NTRK3: variants seen among roughly 807,000 people sequenced by gnomAD.
The protein encoded by NTRK3 is neurotrophic receptor tyrosine kinase 3.
NTRK3 carries 24 observed loss-of-function variants against 91.7 expected under a neutral mutation model. The observed-to-expected ratio is 0.26, with a 90% CI of 0.19 to 0.37. The LOEUF (loss-of-function observed/expected upper bound fraction) is 0.37. NTRK3 is among the 10% of genes least tolerant of loss of function. The pLI is 1.00. For synonymous variants in NTRK3, 483 were observed against 404.0 expected, an observed-to-expected ratio of 1.20 and a Z score of -2.34; for missense variants, 880 against 1,068.9, an observed-to-expected ratio of 0.82 and a Z score of 2.46.
rs187386351 is a variant in NTRK3 at position 88,120,417 on chromosome 15, G to A, written c.1396+5854C>T. ...CAGTCCTGCAAGTGCTCATCCGCAGGCCCATCAGAGGCACCAGCACACATC... is the reference window on the plus strand; with the variant it reads ...CAGTCCTGCAAGTGCTCATCCGCAGACCCATCAGAGGCACCAGCACACATC... On this transcript the variant is annotated intron_variant, in intron 13 of 18. Coordinates refer to ENST00000394480, the Ensembl canonical transcript of NTRK3. Among the ~76,000 whole-genome samples, 19 of 152,306 alleles carry A rather than the reference G, an allele frequency of 1.2e-4. No individual in the cohort carries two copies. In the East Asian group the frequency reaches 3.5e-3, roughly 28 times the overall value.
chr15:87,954,308 C>T (rs756466524), intron 14 of NTRK3, among the ~76,000 whole-genome samples: 62 of 152,164 alleles, frequency 4.1e-4, no homozygotes, highest in Non-Finnish European at 7.3e-5. Context: ...AGCCCTTTCC[C>T]TCTATGTCTC....
chr15:88,210,221 G>A (rs1015639699), intron 3 of NTRK3: 1 of 152,162 alleles, frequency 6.6e-6, no homozygotes, highest in African/African-American at 2.4e-5. Context: ...TTCTTGAATA[G>A]GGAGGGCCTC....
chr15:87,894,246 G>C (rs1312080659), intron 17 of NTRK3, among the ~76,000 whole-genome samples: 3 of 152,212 alleles, frequency 2.0e-5, no homozygotes, highest in Non-Finnish European at 4.4e-5. Context: ...ATGGCTAGCA[G>C]TCACCTTGAA....
intron 17 of NTRK3, among the ~76,000 whole-genome samples, chr15:87,880,933 G>C (rs533241265): frequency 2.0e-5 from 3 of 152,356 alleles, no homozygotes; most frequent in South Asian, 4.1e-4. Flanking sequence ...AGTGTTTCAA[G>C]TGAAGGAGAC....
At chr15:87,958,219 A>G (rs1847430210) in intron 14 of NTRK3, among the ~76,000 whole-genome samples, 1 of 152,210 alleles carries the variant, frequency 6.6e-6, no homozygotes. Context: ...AGTGGCATAT[A>G]TAGGATGCTT....
intron 14 of NTRK3, among the ~76,000 whole-genome samples, chr15:87,973,935 T>C (rs745920740): frequency 1.3e-5 from 2 of 152,116 alleles, no homozygotes; most frequent in African/African-American, 4.8e-5. Context: ...CAGTAAACCC[T>C]GAAGGAACAA....
At chr15:87,970,259 G>A (rs1382931411) in intron 14 of NTRK3, among the ~76,000 whole-genome samples, 1 of 152,188 alleles carries the variant, frequency 6.6e-6, no homozygotes, top group Non-Finnish European at 1.5e-5. Context: ...TAATGCTGAG[G>A]TCTCAAGCTC....
intron 17 of NTRK3, among the ~76,000 whole-genome samples, chr15:87,896,587 T>C (rs1459674165): frequency 1.3e-5 from 2 of 152,190 alleles, no homozygotes; most frequent in African/African-American, 4.8e-5. Flanking sequence ...TATCCTGGTG[T>C]ATATAGACTT....
chr15:87,915,051 ATGGTGATGGTGGTGG>A (rs2067352963), intron 17 of NTRK3, among the ~76,000 whole-genome samples: 2 of 151,884 alleles, frequency 1.3e-5, no homozygotes, highest in South Asian at 4.2e-4. Context: ...GATGGTGATG[ATGGTGATGGTGGTGG>A]TGGTGATGGT....
exon 17 of NTRK3, chr15:87,929,393 G>T: frequency 6.2e-7 from 1 of 1,614,136 alleles, no homozygotes; most frequent in South Asian, 1.1e-5. Flanking sequence ...GGCCTGGCGT[G>T]GCTGTCCATC....
intron 13 of NTRK3, among the ~76,000 whole-genome samples, chr15:88,121,068 G>A (rs1012716496): frequency 6.6e-6 from 1 of 151,186 alleles, no homozygotes; most frequent in Non-Finnish European, 1.5e-5. Context: ...AGGTGGTCAA[G>A]AGGAAAAGAG....
chr15:88,086,200 A>G (rs547532828), intron 13 of NTRK3, among the ~76,000 whole-genome samples: 1 of 152,308 alleles, frequency 6.6e-6, no homozygotes, highest in East Asian at 1.9e-4. Context: ...GACTGCAGAT[A>G]TTGCACATGA....
intron 5 of NTRK3, among the ~76,000 whole-genome samples, chr15:88,176,570 A>G (rs936450760): frequency 4.1e-4 from 63 of 152,222 alleles, no homozygotes; most frequent in African/African-American, 1.4e-3. Context: ...GAGCGTACCA[A>G]GGCCCACATT....
At chr15:87,934,341 AGT>A (rs569682459) in intron 15 of NTRK3, among the ~76,000 whole-genome samples, 84 of 152,328 alleles carry the variant, frequency 5.5e-4, no homozygotes, top group African/African-American at 2.0e-3. Context: ...TGAGGAAGTG[AGT>A]GTAATATTGG....
At chr15:87,893,577 C>A (rs1320963213) in intron 17 of NTRK3, among the ~76,000 whole-genome samples, 2 of 152,148 alleles carry the variant, frequency 1.3e-5, no homozygotes, top group Non-Finnish European at 2.9e-5. Flanking sequence ...TGCAACTTTT[C>A]TTCAGTTAGA....
At chr15:87,925,176 T>C (rs916318598) in intron 17 of NTRK3, among the ~76,000 whole-genome samples, 2 of 152,204 alleles carry the variant, frequency 1.3e-5, no homozygotes, top group Non-Finnish European at 2.9e-5. Flanking sequence ...TCATTGTGAA[T>C]GTCTTAAGAA....
intron 3 of NTRK3, among the ~76,000 whole-genome samples, chr15:88,210,752 T>C (rs1489600371): frequency 1.3e-5 from 2 of 152,216 alleles, no homozygotes; most frequent in African/African-American, 4.8e-5. Flanking sequence ...TATTTGTAAA[T>C]GGATCATGAA....
At chr15:87,910,136 C>G (rs1328345150) in intron 17 of NTRK3, among the ~76,000 whole-genome samples, 2 of 152,058 alleles carry the variant, frequency 1.3e-5, no homozygotes, top group African/African-American at 2.4e-5. Context: ...ACCCAGTAGG[C>G]CAGGGCAAGA....
chr15:87,864,282 C>G (rs2064604274), exon 19 of NTRK3: 1 of 232,146 alleles, frequency 4.3e-6, no homozygotes, highest in Admixed American at 5.6e-5. Context: ...GCCTCCACAT[C>G]TGATAGAATT....
Sources: allele counts gnomAD v4.1 joint callset (sites outside exome capture counted in the v4.1 genomes callset), GRCh38; gene constraint gnomAD v4.1.1; transcripts MANE v1.5; gene names NCBI Gene and HGNC (gene_info 2026-07-23, HGNC 2026-07-21).